KIAA0825: variants seen among roughly 807,000 people sequenced by gnomAD.
The protein encoded by KIAA0825 is KIAA0825.
Under a neutral mutation model 147.6 loss-of-function variants are expected in KIAA0825, and 119 were observed. That is an observed-to-expected ratio of 0.81 (90% CI 0.69 to 0.94). KIAA0825 has a LOEUF of 0.94. Among genes scored for constraint, KIAA0825 ranks in the 40% least tolerant of loss-of-function variants. The pLI, the probability that KIAA0825 is intolerant of heterozygous loss-of-function variation, is 0.00. For missense variants in KIAA0825, 1,381 were observed against 1,472.7 expected (o/e 0.94, Z 1.02); for synonymous variants, 470 against 518.1 (o/e 0.91, Z 1.26).
At chr5:94,244,522 A>C (rs888875698) in intron 20 of KIAA0825, among the ~76,000 whole-genome samples, 2 of 152,054 alleles carry the variant, frequency 1.3e-5, no homozygotes, top group Non-Finnish European at 2.9e-5. Flanking sequence ...TTTTTCTTGG[A>C]GACAAGGTCT....
chr5:94,333,388 T>C (rs1781478278), intron 20 of KIAA0825, among the ~76,000 whole-genome samples: 1 of 152,182 alleles, frequency 6.6e-6, no homozygotes, highest in African/African-American at 2.4e-5. Flanking sequence ...TAATCCATCT[T>C]GAGTTAATTT....
At chr5:94,243,213 T>C (rs1032200451) in intron 20 of KIAA0825, among the ~76,000 whole-genome samples, 2 of 152,232 alleles carry the variant, frequency 1.3e-5, no homozygotes, top group Non-Finnish European at 2.9e-5. Context: ...TTGCTTGTTA[T>C]ATTAATGCAC....
At chr5:94,227,542 G>T (rs34717672) in intron 20 of KIAA0825, among the ~76,000 whole-genome samples, 17,907 of 147,306 alleles carry the variant, frequency 0.12, 1,196 homozygotes, top group African/African-American at 0.16. Flanking sequence ...AAACTTAAAG[G>T]ATAATAATAA....
chr5:94,565,678 T>G (rs1778583706), intron 2 of KIAA0825, among the ~76,000 whole-genome samples: 1 of 152,140 alleles, frequency 6.6e-6, no homozygotes, highest in Non-Finnish European at 1.5e-5. Context: ...AAAGTTAGAC[T>G]CTTAAGAGAA....
chr5:94,436,750 T>C (rs1297142915), intron 14 of KIAA0825, among the ~76,000 whole-genome samples: 1 of 152,218 alleles, frequency 6.6e-6, no homozygotes, highest in Non-Finnish European at 1.5e-5. Flanking sequence ...TTCCTTTCCA[T>C]GAGCATGAAA....
intron 14 of KIAA0825, among the ~76,000 whole-genome samples, chr5:94,425,653 T>G (rs1055170309): frequency 6.6e-6 from 1 of 152,050 alleles, no homozygotes; most frequent in East Asian, 1.9e-4. Flanking sequence ...ACAAAACCCA[T>G]ATGGTCGTTC....
At chr5:94,237,864 C>A (rs936854924) in intron 20 of KIAA0825, among the ~76,000 whole-genome samples, 1 of 152,152 alleles carries the variant, frequency 6.6e-6, no homozygotes, top group Non-Finnish European at 1.5e-5. Flanking sequence ...TAGATTAGCT[C>A]AGTCTAACAG....
At chr5:94,459,658 T>C (rs1759562626) in intron 12 of KIAA0825, among the ~76,000 whole-genome samples, 1 of 152,162 alleles carries the variant, frequency 6.6e-6, no homozygotes, top group African/African-American at 2.4e-5. Context: ...CTTAGTGATC[T>C]ACCTTCGGGT....
At chr5:94,466,448 G>T (rs1760509334) in intron 10 of KIAA0825, among the ~76,000 whole-genome samples, 1 of 152,018 alleles carries the variant, frequency 6.6e-6, no homozygotes, top group Non-Finnish European at 1.5e-5. Flanking sequence ...TAAGAAAAAA[G>T]AAATTACACA....
At chr5:94,553,400 A>G (rs1437721260) in intron 2 of KIAA0825, among the ~76,000 whole-genome samples, 1 of 149,268 alleles carries the variant, frequency 6.7e-6, no homozygotes, top group Non-Finnish European at 1.5e-5. Context: ...AAATCACACC[A>G]TTGCACTCCA....
chr5:94,515,093 C>T (rs1206825314), intron 5 of KIAA0825, among the ~76,000 whole-genome samples: 1 of 152,086 alleles, frequency 6.6e-6, no homozygotes, highest in East Asian at 1.9e-4. Flanking sequence ...TTTAAATCTC[C>T]TATTTCTATC....
At chr5:94,174,372 AAT>A (rs749294346) in intron 20 of KIAA0825, among the ~76,000 whole-genome samples, 1 of 151,486 alleles carries the variant, frequency 6.6e-6, no homozygotes. Context: ...AATCCAAGTA[AAT>A]ATATATATAT....
chr5:94,604,758 G>A (rs1443604291), intron 1 of KIAA0825, among the ~76,000 whole-genome samples: 2 of 152,140 alleles, frequency 1.3e-5, no homozygotes, highest in Non-Finnish European at 2.9e-5. Context: ...TGTTAAGAGG[G>A]AAATTTATAG....
chr5:94,457,861 T>G (rs1028354767), intron 12 of KIAA0825, among the ~76,000 whole-genome samples: 2 of 152,156 alleles, frequency 1.3e-5, no homozygotes, highest in African/African-American at 2.4e-5. Flanking sequence ...CATGACTAAA[T>G]TAAGGTAGCC....
intron 14 of KIAA0825, among the ~76,000 whole-genome samples, chr5:94,419,667 TA>T (rs1431832924): frequency 1.3e-5 from 2 of 152,220 alleles, no homozygotes; most frequent in African/African-American, 2.4e-5. Flanking sequence ...TCAGTCATTG[TA>T]CCAGGTGCTG....
intron 14 of KIAA0825, among the ~76,000 whole-genome samples, chr5:94,435,492 T>G (rs1469557878): frequency 1.3e-5 from 2 of 152,186 alleles, no homozygotes; most frequent in Non-Finnish European, 1.5e-5. Flanking sequence ...ATGGTGTATA[T>G]GTACCACATT....
At chr5:94,381,211 C>T (rs573315258) in intron 20 of KIAA0825, among the ~76,000 whole-genome samples, 2 of 152,300 alleles carry the variant, frequency 1.3e-5, no homozygotes, top group South Asian at 4.1e-4. Context: ...TTCGATCTTA[C>T]AGCAACTTCC....
chr5:94,301,318 ATGTT>A (rs1032299664), intron 20 of KIAA0825, among the ~76,000 whole-genome samples: 22 of 152,060 alleles, frequency 1.4e-4, no homozygotes, highest in Admixed American at 1.1e-3. Context: ...AAACCAAACA[ATGTT>A]GATTGATTAG....
At chr5:94,531,148 T>C (rs1770716153) in intron 3 of KIAA0825, among the ~76,000 whole-genome samples, 1 of 152,094 alleles carries the variant, frequency 6.6e-6, no homozygotes, top group Admixed American at 6.6e-5. Flanking sequence ...ACTCAAACAC[T>C]TGAAATGTCC....
Sources: gnomAD v4.1 joint callset for allele counts (sites outside exome capture counted in the v4.1 genomes callset) on GRCh38, gnomAD v4.1.1 for gene constraint, MANE v1.5 for transcripts, NCBI Gene and HGNC (gene_info 2026-07-23, HGNC 2026-07-21) for gene names.